Variants in EPHA4 observed in about 807,000 individuals in gnomAD.
The protein encoded by EPHA4 is ephrin type-A receptor 4.
EPHA4 carries 19 observed loss-of-function variants against 108.3 expected under a neutral mutation model. That is an observed-to-expected ratio of 0.18 (90% CI 0.12 to 0.26). The LOEUF (loss-of-function observed/expected upper bound fraction) is 0.26, where lower values mean the gene tolerates loss of function less well. Ranked by LOEUF, EPHA4 falls within the 10% of genes least tolerant of loss-of-function variation. EPHA4 has a pLI of 1.00. For missense variants in EPHA4, 917 were observed against 1,254.0 expected (o/e 0.73, Z 4.06); for synonymous variants, 449 against 455.5 (o/e 0.99, Z 0.18).
intron 14 of EPHA4, among the ~76,000 whole-genome samples, chr2:221,432,705 G>A (rs1368441970): frequency 2.0e-5 from 3 of 150,572 alleles, no homozygotes; most frequent in Non-Finnish European, 4.4e-5. Flanking sequence ...TTACAGTGGT[G>A]TCATCTTGGC....
At chr2:221,570,398 C>T (rs1350221676) in intron 1 of EPHA4, among the ~76,000 whole-genome samples, 1 of 151,962 alleles carries the variant, frequency 6.6e-6, no homozygotes. Flanking sequence ...TCTCAGGGGA[C>T]GTCCTAACAA....
chr2:221,499,475 C>T (rs1301394520), intron 4 of EPHA4, among the ~76,000 whole-genome samples: 2 of 148,734 alleles, frequency 1.3e-5, no homozygotes, highest in Non-Finnish European at 3.0e-5. Flanking sequence ...TCATCATCAT[C>T]ATTATTATCT....
intron 16 of EPHA4, 145 bp from the exon 17 acceptor site, chr2:221,426,287 A>T: frequency 9.9e-7 from 1 of 1,012,544 alleles, no homozygotes; most frequent in Non-Finnish European, 1.4e-6. Flanking sequence ...TTCATTAAGC[A>T]ATTTAATGCA....
chr2:221,556,965 G>A (rs574197034), intron 3 of EPHA4, among the ~76,000 whole-genome samples: 40 of 152,162 alleles, frequency 2.6e-4, no homozygotes, highest in African/African-American at 8.9e-4. Context: ...GGAACATATC[G>A]TCCAAAGTTA....
intron 15 of EPHA4, among the ~76,000 whole-genome samples, chr2:221,428,729 T>C (rs1046380491): frequency 2.0e-5 from 3 of 152,222 alleles, no homozygotes; most frequent in Non-Finnish European, 2.9e-5. Flanking sequence ...TAATTTTTTT[T>C]AGTTCACATA....
At chr2:221,467,173 C>T (rs1691338152) in intron 5 of EPHA4, among the ~76,000 whole-genome samples, 1 of 152,098 alleles carries the variant, frequency 6.6e-6, no homozygotes, top group Non-Finnish European at 1.5e-5. Flanking sequence ...AATAATTAGT[C>T]TTTGGAATTA....
At chr2:221,554,797 A>G (rs1490944548) in intron 3 of EPHA4, among the ~76,000 whole-genome samples, 1 of 152,226 alleles carries the variant, frequency 6.6e-6, no homozygotes, top group Non-Finnish European at 1.5e-5. Context: ...TGATTTGTAC[A>G]TCATAGACTT....
chr2:221,514,980 C>CA (rs535157081), intron 3 of EPHA4, among the ~76,000 whole-genome samples: 1 of 152,160 alleles, frequency 6.6e-6, no homozygotes, highest in South Asian at 2.1e-4. Context: ...CTCAGATGTA[C>CA]AAAAAAATCT....
chr2:221,435,782 T>C (rs1195511438), intron 13 of EPHA4, among the ~76,000 whole-genome samples: 1 of 152,194 alleles, frequency 6.6e-6, no homozygotes, highest in Non-Finnish European at 1.5e-5. Flanking sequence ...CATTAGATAC[T>C]GGAAAACCTT....
At chr2:221,550,015 T>C (rs2106197942) in intron 3 of EPHA4, among the ~76,000 whole-genome samples, 1 of 152,084 alleles carries the variant, frequency 6.6e-6, no homozygotes, top group South Asian at 2.1e-4. Flanking sequence ...ACTACACAAG[T>C]AATGAGAAAT....
At chr2:221,566,872 A>AAGAAGAAGAAGTAGAAGG (rs1553595907) in intron 2 of EPHA4, among the ~76,000 whole-genome samples, 1 of 41,580 alleles carries the variant, frequency 2.4e-5, no homozygotes, top group Admixed American at 3.4e-4. Context: ...GAAGAAGAAG[A>AAGAAGAAGAAGTAGAAGG]AGAAGGAGAA....
chr2:221,558,522 A>AGC (rs1694366611), intron 3 of EPHA4, among the ~76,000 whole-genome samples: 1 of 152,192 alleles, frequency 6.6e-6, no homozygotes, highest in African/African-American at 2.4e-5. Context: ...CAGTAACTGA[A>AGC]AAACCACTTA....
chr2:221,432,097 AAAC>A (rs1690093155), intron 14 of EPHA4, among the ~76,000 whole-genome samples: 1 of 149,980 alleles, frequency 6.7e-6, no homozygotes, highest in East Asian at 1.9e-4. Context: ...TGAAAGTTCA[AAAC>A]AACAGAATTC....
At chr2:221,467,721 G>A (rs1482714692) in intron 5 of EPHA4, among the ~76,000 whole-genome samples, 1 of 152,122 alleles carries the variant, frequency 6.6e-6, no homozygotes, top group Non-Finnish European at 1.5e-5. Context: ...TAACCTCAGG[G>A]GCACCCAAGT....
At chr2:221,453,636 T>G in intron 8 of EPHA4, among the ~76,000 whole-genome samples, 1 of 152,344 alleles carries the variant, frequency 6.6e-6, no homozygotes, top group Non-Finnish European at 1.5e-5. Flanking sequence ...AATGTCTATA[T>G]GTTTTTGTAT....
At chr2:221,455,866 C>T (rs943298777) in intron 7 of EPHA4, among the ~76,000 whole-genome samples, 1 of 152,132 alleles carries the variant, frequency 6.6e-6, no homozygotes, top group African/African-American at 2.4e-5. Flanking sequence ...AAGCCACTTC[C>T]TCCTTGTACC....
At chr2:221,437,954 G>A (rs978953399) in intron 11 of EPHA4, among the ~76,000 whole-genome samples, 6 of 151,710 alleles carry the variant, frequency 4.0e-5, no homozygotes, top group Non-Finnish European at 5.9e-5. Flanking sequence ...ACAAGCATGC[G>A]ACTTCTCTCC....
At chr2:221,496,220 T>C (rs1056917002) in intron 4 of EPHA4, among the ~76,000 whole-genome samples, 1 of 152,154 alleles carries the variant, frequency 6.6e-6, no homozygotes, top group Non-Finnish European at 1.5e-5. Flanking sequence ...GAACGTCTAC[T>C]ACAGTATTGT....
chr2:221,462,863 G>C (rs1691191385), intron 5 of EPHA4, among the ~76,000 whole-genome samples: 1 of 152,222 alleles, frequency 6.6e-6, no homozygotes, highest in Non-Finnish European at 1.5e-5. Context: ...CTGCTCTTTA[G>C]GCTGATGAAG....
Sources: allele counts gnomAD v4.1 joint callset (sites outside exome capture counted in the v4.1 genomes callset), GRCh38; gene constraint gnomAD v4.1.1; transcripts MANE v1.5; gene names NCBI Gene and HGNC (gene_info 2026-07-23, HGNC 2026-07-21).